THSD7B: variants seen among roughly 807,000 people sequenced by gnomAD.
THSD7B encodes thrombospondin type 1 domain containing 7B.
In THSD7B, 138 loss-of-function variants were observed where a neutral mutation model predicts 213.6. The observed-to-expected ratio is 0.65, with a 90% CI of 0.56 to 0.74. The LOEUF (loss-of-function observed/expected upper bound fraction) is 0.74. Among genes scored for constraint, THSD7B ranks in the 30% least tolerant of loss-of-function variants. The probability of loss-of-function intolerance (pLI) is 0.00; values close to 1 mark genes in which losing one functional copy is unlikely to be tolerated. For missense variants in THSD7B, 1,931 were observed against 1,991.5 expected (o/e 0.97, Z 0.58); for synonymous variants, 742 against 687.0 (o/e 1.08, Z -1.25).
chr2:137,462,599 C>G (rs530256288), intron 15 of THSD7B, among the ~76,000 whole-genome samples: 19 of 152,128 alleles, frequency 1.2e-4, no homozygotes, highest in Admixed American at 7.2e-4. Context: ...TGAGCCTCTC[C>G]TTTGTTCTCC....
chr2:136,959,859 G>C (rs1685187462), intron 2 of THSD7B, among the ~76,000 whole-genome samples: 1 of 152,288 alleles, frequency 6.6e-6, no homozygotes, highest in Admixed American at 6.5e-5. Flanking sequence ...ACTCTGGAGG[G>C]GGATTTCAGA....
intron 15 of THSD7B, among the ~76,000 whole-genome samples, chr2:137,527,508 G>C (rs771670720): frequency 6.6e-5 from 10 of 152,060 alleles, no homozygotes; most frequent in Non-Finnish European, 1.3e-4. Context: ...GCTGAACATT[G>C]TGGTTATTTG....
At chr2:136,838,358 G>A (rs1682873856) in intron 1 of THSD7B, among the ~76,000 whole-genome samples, 1 of 152,064 alleles carries the variant, frequency 6.6e-6, no homozygotes, top group Non-Finnish European at 1.5e-5. Context: ...GATACTAAGG[G>A]CAGAGTTCCC....
intron 10 of THSD7B, among the ~76,000 whole-genome samples, chr2:137,254,018 G>A (rs978805109): frequency 6.6e-6 from 1 of 152,130 alleles, no homozygotes; most frequent in South Asian, 2.1e-4. Context: ...AATAATTTAT[G>A]TATGGTTAAA....
At chr2:137,283,034 A>T (rs1683069371) in intron 12 of THSD7B, among the ~76,000 whole-genome samples, 1 of 152,214 alleles carries the variant, frequency 6.6e-6, no homozygotes, top group Non-Finnish European at 1.5e-5. Context: ...CTTCCTACCC[A>T]TGAGCATGGA....
At chr2:137,486,973 C>T (rs1688461964) in intron 15 of THSD7B, among the ~76,000 whole-genome samples, 1 of 152,176 alleles carries the variant, frequency 6.6e-6, no homozygotes, top group African/African-American at 2.4e-5. Context: ...ATACCAGAAT[C>T]TCTGGGACAC....
intron 15 of THSD7B, among the ~76,000 whole-genome samples, chr2:137,538,931 C>T (rs1416605719): frequency 2.0e-5 from 3 of 151,722 alleles, no homozygotes; most frequent in Non-Finnish European, 4.4e-5. Flanking sequence ...AGCTTCCTAG[C>T]CAGAGCTGAT....
intron 16 of THSD7B, among the ~76,000 whole-genome samples, chr2:137,566,681 T>G (rs1024584321): frequency 6.6e-6 from 1 of 152,160 alleles, no homozygotes; most frequent in African/African-American, 2.4e-5. Context: ...CCATGGCAAC[T>G]GAAAAACAAC....
intron 21 of THSD7B, among the ~76,000 whole-genome samples, chr2:137,648,843 C>T (rs1463520046): frequency 6.6e-6 from 1 of 152,106 alleles, no homozygotes; most frequent in Non-Finnish European, 1.5e-5. Context: ...GGAACCTCCA[C>T]ACAGTTTTCC....
At chr2:137,188,628 A>T (rs1209421623) in intron 7 of THSD7B, among the ~76,000 whole-genome samples, 1 of 152,200 alleles carries the variant, frequency 6.6e-6, no homozygotes, top group Non-Finnish European at 1.5e-5. Flanking sequence ...AATTGTTGGA[A>T]CATTGGATAT....
chr2:137,466,674 C>T (rs1483838732), intron 15 of THSD7B, among the ~76,000 whole-genome samples: 1 of 152,046 alleles, frequency 6.6e-6, no homozygotes, highest in Non-Finnish European at 1.5e-5. Context: ...CCAGTTTGCA[C>T]GCAATCAGCA....
chr2:136,841,205 A>G (rs1247725742), intron 1 of THSD7B, among the ~76,000 whole-genome samples: 6 of 152,184 alleles, frequency 3.9e-5, no homozygotes, highest in Non-Finnish European at 8.8e-5. Context: ...ACTTGAACCC[A>G]TCTGTCTGAC....
chr2:136,979,855 T>A (rs1301525120), intron 2 of THSD7B, among the ~76,000 whole-genome samples: 1 of 152,234 alleles, frequency 6.6e-6, no homozygotes, highest in Non-Finnish European at 1.5e-5. Context: ...TCTTGCTTTT[T>A]TAATTTTCAG....
At chr2:137,078,776 C>T (rs775015374) in intron 3 of THSD7B, among the ~76,000 whole-genome samples, 2 of 151,842 alleles carry the variant, frequency 1.3e-5, no homozygotes, top group African/African-American at 4.8e-5. Context: ...AAATGGATCC[C>T]GTAGATTCTT....
intron 7 of THSD7B, among the ~76,000 whole-genome samples, chr2:137,172,146 C>T (rs1248583504): frequency 6.6e-6 from 1 of 152,172 alleles, no homozygotes; most frequent in Non-Finnish European, 1.5e-5. Flanking sequence ...TATCACAGAG[C>T]TCCTAAAACC....
intron 12 of THSD7B, among the ~76,000 whole-genome samples, chr2:137,333,177 C>T (rs1392837207): frequency 1.3e-5 from 2 of 152,130 alleles, no homozygotes; most frequent in African/African-American, 2.4e-5. Context: ...TAATCCTGGA[C>T]GTCTAACCCC....
chr2:136,917,272 C>T (rs1684364812), intron 2 of THSD7B, among the ~76,000 whole-genome samples: 1 of 152,156 alleles, frequency 6.6e-6, no homozygotes, highest in Admixed American at 6.6e-5. Flanking sequence ...TCCTAGTCCC[C>T]TAGTTCCTGT....
intron 15 of THSD7B, among the ~76,000 whole-genome samples, chr2:137,515,346 C>A (rs1680047914): frequency 6.6e-6 from 1 of 152,186 alleles, no homozygotes; most frequent in Admixed American, 6.6e-5. Flanking sequence ...CCTTGCACTG[C>A]CTGAGGCAAT....
At chr2:137,261,519 G>A (rs1249031400) in intron 10 of THSD7B, among the ~76,000 whole-genome samples, 1 of 152,034 alleles carries the variant, frequency 6.6e-6, no homozygotes, top group Non-Finnish European at 1.5e-5. Context: ...AATTTTTCTA[G>A]GTTCACAGAC....
Sources: gnomAD v4.1 joint callset for allele counts (sites outside exome capture counted in the v4.1 genomes callset) on GRCh38, gnomAD v4.1.1 for gene constraint, MANE v1.5 for transcripts, NCBI Gene and HGNC (gene_info 2026-07-23, HGNC 2026-07-21) for gene names.